The following AGBL4 variants were observed in gnomAD, a reference collection of about 807,000 sequenced individuals.
The protein encoded by AGBL4 is cytosolic carboxypeptidase 6.
AGBL4 carries 58 observed loss-of-function variants against 66.4 expected under a neutral mutation model. The observed-to-expected ratio is 0.87, with a 90% confidence interval of 0.71 to 1.09. AGBL4 has a LOEUF of 1.09. Ranked by LOEUF, AGBL4 falls within the 50% of genes least tolerant of loss-of-function variation. The pLI, the probability that AGBL4 is intolerant of heterozygous loss-of-function variation, is 0.00. For missense variants in AGBL4, 579 were observed against 631.0 expected (o/e 0.92, Z 0.88); for synonymous variants, 234 against 222.9 (o/e 1.05, Z -0.44).
chr1:49,628,754 G>C (rs937489678), intron 3 of AGBL4, among the ~76,000 whole-genome samples: 2 of 152,056 alleles, frequency 1.3e-5, no homozygotes, highest in African/African-American at 4.8e-5. Context: ...ACATAGTCTT[G>C]GGTTGAAACC....
intron 5 of AGBL4, among the ~76,000 whole-genome samples, chr1:49,026,508 T>A (rs562767556): frequency 6.6e-6 from 1 of 152,272 alleles, no homozygotes; most frequent in East Asian, 1.9e-4. Context: ...TCAAGGATAA[T>A]TTTTAGAGAA....
intron 3 of AGBL4, chr1:49,257,304 T>G (rs1360025437): frequency 2.6e-5 from 4 of 152,326 alleles, no homozygotes; most frequent in African/African-American, 9.7e-5. Flanking sequence ...CAGGCCTCCT[T>G]GAGCTGTGCT....
intron 6 of AGBL4, among the ~76,000 whole-genome samples, chr1:48,668,673 G>A (rs1646228628): frequency 6.6e-6 from 1 of 152,214 alleles, no homozygotes; most frequent in South Asian, 2.1e-4. Context: ...AGGAAAGGAG[G>A]AAACTGATGT....
intron 2 of AGBL4, among the ~76,000 whole-genome samples, chr1:49,809,392 C>G (rs935656146): frequency 6.8e-6 from 1 of 146,502 alleles, no homozygotes; most frequent in Non-Finnish European, 1.5e-5. Flanking sequence ...TTCTTAAGAA[C>G]CAAAAATGGT....
At chr1:48,600,443 G>T (rs1269628010) in intron 9 of AGBL4, among the ~76,000 whole-genome samples, 3 of 151,898 alleles carry the variant, frequency 2.0e-5, no homozygotes, top group Admixed American at 2.0e-4. Flanking sequence ...GGAATAGGGT[G>T]GTTGTGTGGG....
chr1:48,778,326 G>GT (rs1645190934), intron 6 of AGBL4, among the ~76,000 whole-genome samples: 1 of 152,192 alleles, frequency 6.6e-6, no homozygotes, highest in East Asian at 1.9e-4. Context: ...CAAAGTCAGT[G>GT]TACCAGAACT....
chr1:49,113,885 G>C (rs1042529215), intron 4 of AGBL4, among the ~76,000 whole-genome samples: 33 of 152,046 alleles, frequency 2.2e-4, no homozygotes, highest in African/African-American at 7.7e-4. Context: ...AAAATATTTA[G>C]CAAACCATGC....
At chr1:49,039,832 T>C (rs1011680646) in intron 5 of AGBL4, among the ~76,000 whole-genome samples, 1 of 152,054 alleles carries the variant, frequency 6.6e-6, no homozygotes, top group South Asian at 2.1e-4. Flanking sequence ...CTTCTGGAAA[T>C]TAAAACTGAA....
intron 3 of AGBL4, among the ~76,000 whole-genome samples, chr1:49,663,250 A>G (rs766162704): frequency 4.6e-5 from 7 of 152,136 alleles, no homozygotes; most frequent in Non-Finnish European, 1.0e-4. Context: ...TCCTTCCCAT[A>G]GCACAGAGTT....
intron 2 of AGBL4, among the ~76,000 whole-genome samples, chr1:49,742,438 G>C (rs199912780): frequency 6.6e-6 from 1 of 151,978 alleles, no homozygotes; most frequent in East Asian, 1.9e-4. Context: ...CATGCTCATG[G>C]GTAGGAAGAA....
intron 3 of AGBL4, among the ~76,000 whole-genome samples, chr1:49,251,672 C>A (rs1480930410): frequency 6.6e-6 from 1 of 152,216 alleles, no homozygotes; most frequent in Non-Finnish European, 1.5e-5. Context: ...GGCACCCCTG[C>A]ATCTGCCAGC....
At chr1:48,590,163 G>A (rs1437952643) in intron 10 of AGBL4, among the ~76,000 whole-genome samples, 1 of 152,154 alleles carries the variant, frequency 6.6e-6, no homozygotes, top group East Asian at 1.9e-4. Flanking sequence ...CCAGCACATT[G>A]GGAGGCCGAG....
chr1:49,840,037 C>T (rs571535235), intron 2 of AGBL4, among the ~76,000 whole-genome samples: 11 of 152,086 alleles, frequency 7.2e-5, no homozygotes, highest in South Asian at 4.1e-4. Context: ...TACACACAAG[C>T]CAGATTCAGA....
intron 3 of AGBL4, among the ~76,000 whole-genome samples, chr1:49,524,964 C>T (rs555544129): frequency 3.3e-5 from 5 of 152,074 alleles, no homozygotes; most frequent in East Asian, 3.9e-4. Context: ...TAGTGAAATC[C>T]GATTTGACCC....
At chr1:49,527,047 T>C (rs557850379) in intron 3 of AGBL4, among the ~76,000 whole-genome samples, 22 of 152,268 alleles carry the variant, frequency 1.4e-4, no homozygotes, top group Admixed American at 1.4e-3. Flanking sequence ...TTAAGTAACA[T>C]TTGTTAAGTA....
rs1646271022 is a variant in AGBL4 at position 49,661,597 on chromosome 1, T to G, written c.282+35716A>C. On this transcript the variant is annotated intron_variant, in intron 3 of 13. Coordinates refer to ENST00000371839, the MANE Select transcript of AGBL4 (RefSeq NM_032785.4). ...AAGCAAATGCTGGCACTATGCTTCT[T>G]GTAAAGCCTACAGAATCATGAGCCA... Among the ~76,000 whole-genome samples, 3 of 152,180 alleles carry G rather than the reference T, an allele frequency of 2.0e-5. No homozygotes were observed. The South Asian group carries it at 6.2e-4, about 32-fold the overall frequency.
intron 11 of AGBL4, among the ~76,000 whole-genome samples, chr1:48,563,974 A>G (rs562060250): frequency 6.6e-6 from 1 of 152,246 alleles, no homozygotes; most frequent in East Asian, 1.9e-4. Flanking sequence ...GTGCTCCCAC[A>G]TTTGTGTACC....
chr1:49,325,187 T>C (rs1370469269), intron 3 of AGBL4, among the ~76,000 whole-genome samples: 8 of 152,206 alleles, frequency 5.3e-5, no homozygotes, highest in Admixed American at 5.2e-4. Context: ...CACGCCCAGC[T>C]AATTTCTTTT....
chr1:49,258,110 G>A (rs893691300), intron 3 of AGBL4, among the ~76,000 whole-genome samples: 2 of 152,154 alleles, frequency 1.3e-5, no homozygotes, highest in Admixed American at 6.5e-5. Flanking sequence ...CTGTTGAAAG[G>A]AAAACTAACA....
Sources: gnomAD v4.1 joint callset for allele counts (sites outside exome capture counted in the v4.1 genomes callset) on GRCh38, gnomAD v4.1.1 for gene constraint, MANE v1.5 for transcripts, NCBI Gene and HGNC (gene_info 2026-07-23, HGNC 2026-07-21) for gene names.